MYLK: variants seen among roughly 807,000 people sequenced by gnomAD.
MYLK encodes myosin light chain kinase.
MYLK carries 106 observed loss-of-function variants against 203.4 expected under a neutral mutation model. That is an observed-to-expected ratio of 0.52 (90% confidence interval 0.45 to 0.61). MYLK has a LOEUF of 0.61. MYLK is among the 20% of genes least tolerant of loss of function. The pLI is 0.00. For missense variants in MYLK, 2,072 were observed against 2,442.3 expected, an observed-to-expected ratio of 0.85 and a Z score of 3.20; for synonymous variants, 867 against 959.5, an observed-to-expected ratio of 0.90 and a Z score of 1.78.
chr3:123,735,097 G>A (rs2062627935), intron 9 of MYLK: 3 of 420,840 alleles, frequency 7.1e-6, no homozygotes, highest in South Asian at 6.5e-5. Context: ...AATGAGGAAG[G>A]CGGCCTTCTC....
chr3:123,682,317 T>C lies in MYLK; in HGVS notation c.3566-7A>G. ...TTCTCACTGGCTGGAGCATCTGGAATGAAACAGGTAACAATAAATGTTAGC... is the reference window on the plus strand; with the variant it reads ...TTCTCACTGGCTGGAGCATCTGGAACGAAACAGGTAACAATAAATGTTAGC... On this transcript the variant is annotated splice_polypyrimidine_tract_variant and splice_region_variant and intron_variant, in intron 19 of 33. Transcript: ENST00000360304. 6.3e-7 allele frequency: 1 copy of C among 1,588,378 alleles called. No homozygotes were observed. The highest frequency in any genetic ancestry group is 1.3e-5 in the African/African-American group (1 of 74,770).
chr3:123,768,741 A>G (rs914555812), intron 4 of MYLK, among the ~76,000 whole-genome samples: 1 of 152,232 alleles, frequency 6.6e-6, no homozygotes, highest in African/African-American at 2.4e-5. Flanking sequence ...CTATTTGTCT[A>G]TGGGATGTGT....
At position 123,691,488 on chromosome 3, in the gene MYLK, C is replaced by T. The variant is rs571318619; in HGVS notation, c.3565+1247G>A. 1.8e-4 allele frequency: 27 copies of T among 152,314 alleles called. No homozygotes were observed. The East Asian group carries it at 4.2e-3, about 24-fold the overall frequency. The allele number at this position is 152,314 out of a possible 1,614,324, so 9.4% of individuals were successfully genotyped here. On this transcript the variant is annotated intron_variant, in intron 19 of 33. Transcript: ENST00000360304. ...TATTAGATGAGTTCAGCTTACCTTT[C>T]GGCTATTAACAATTAATTCGTGCTG... is the stretch of plus-strand genomic sequence containing the variant.
At chr3:123,771,394 T>C (rs1358443070) in intron 4 of MYLK, among the ~76,000 whole-genome samples, 2 of 152,254 alleles carry the variant, frequency 1.3e-5, no homozygotes, top group Non-Finnish European at 2.9e-5. Flanking sequence ...TTTTCTGTCC[T>C]TCTTTGAATG....
intron 4 of MYLK, among the ~76,000 whole-genome samples, chr3:123,770,944 C>T (rs2063861942): frequency 6.6e-6 from 1 of 152,222 alleles, no homozygotes; most frequent in African/African-American, 2.4e-5. Flanking sequence ...CATAAGAAGA[C>T]TGGAGAACCA....
In MYLK at chr3:123,876,613, C is replaced by G. The variant is rs2033168188; in HGVS notation, c.-181G>C. 1.3e-5 allele frequency: 2 copies of G among 152,118 alleles called. No homozygotes were observed. Among genetic ancestry groups the G allele is most frequent in the Admixed American group, 6.5e-5 (1 of 15,268 alleles). 9.4% of individuals were successfully genotyped at this position (152,118 alleles called of 1,614,324 possible). Reference sequence around the variant, plus strand: ...TTGGTTTCTGTTAATTTTGAAGAATCCTTCCTAATACACAAATCAAAGAAA... The same window carrying G: ...TTGGTTTCTGTTAATTTTGAAGAATGCTTCCTAATACACAAATCAAAGAAA... On this transcript the variant is annotated 5_prime_UTR_variant, in exon 2 of 34. Coordinates refer to ENST00000360304, the MANE Select transcript of MYLK (RefSeq NM_053025.4).
chr3:123,837,485 T>C (rs1397649310), intron 2 of MYLK, among the ~76,000 whole-genome samples: 1 of 147,606 alleles, frequency 6.8e-6, no homozygotes, highest in Non-Finnish European at 1.5e-5. Context: ...ATATTATATA[T>C]AATTATATAT....
At chr3:123,799,879 G>A (rs1372234402) in intron 3 of MYLK, 6 of 152,358 alleles carry the variant, frequency 3.9e-5, no homozygotes, top group East Asian at 1.9e-4. Flanking sequence ...GTCAGGATGC[G>A]AGGCAGCCAC....
intron 3 of MYLK, among the ~76,000 whole-genome samples, chr3:123,812,868 T>C (rs948477889): frequency 1.3e-5 from 2 of 152,170 alleles, no homozygotes; most frequent in Admixed American, 6.5e-5. Context: ...GCCAGGCATA[T>C]TGGGGCACTC....
intron 33 of MYLK, chr3:123,617,861 C>T (rs936362424): frequency 1.3e-5 from 2 of 152,232 alleles, no homozygotes; most frequent in African/African-American, 4.8e-5. Flanking sequence ...TATGCCATGA[C>T]CCCTTAAGGT....
intron 29 of MYLK, among the ~76,000 whole-genome samples, chr3:123,637,214 G>A (rs2058673167): frequency 6.6e-6 from 1 of 152,212 alleles, no homozygotes; most frequent in African/African-American, 2.4e-5. Flanking sequence ...AGGTTCAGGG[G>A]CTAATGACCG....
intron 4 of MYLK, among the ~76,000 whole-genome samples, chr3:123,784,003 T>C (rs904102180): frequency 6.6e-6 from 1 of 152,194 alleles, no homozygotes; most frequent in Non-Finnish European, 1.5e-5. Flanking sequence ...ATGTAGGGAA[T>C]GTGGGCTGGG....
chr3:123,799,228 T>C (rs1471914540), intron 3 of MYLK, among the ~76,000 whole-genome samples: 1 of 135,546 alleles, frequency 7.4e-6, no homozygotes, highest in African/African-American at 2.7e-5. Flanking sequence ...CGCCCACCTC[T>C]AAATGAGGCT....
intron 3 of MYLK, among the ~76,000 whole-genome samples, chr3:123,826,328 T>C (rs1168815494): frequency 2.6e-5 from 4 of 152,206 alleles, no homozygotes; most frequent in Non-Finnish European, 5.9e-5. Context: ...AGCAGCTGCA[T>C]GGGCTGCCCC....
intron 4 of MYLK, among the ~76,000 whole-genome samples, chr3:123,767,189 G>C (rs2063733777): frequency 6.6e-6 from 1 of 152,216 alleles, no homozygotes; most frequent in Admixed American, 6.5e-5. Context: ...CTGAGCCACT[G>C]TTAGACAAAA....
chr3:123,666,822 A>T (rs989757650), intron 21 of MYLK: 2 of 567,112 alleles, frequency 3.5e-6, no homozygotes, highest in Non-Finnish European at 6.3e-6. Context: ...ACACAAGGGT[A>T]GGGCAGAGGA....
At chr3:123,673,170 T>TA (rs2059970442) in intron 20 of MYLK, among the ~76,000 whole-genome samples, 1 of 151,008 alleles carries the variant, frequency 6.6e-6, no homozygotes, top group East Asian at 1.9e-4. Flanking sequence ...TCTTTTTTTT[T>TA]TTTTTTTTTT....
chr3:123,614,028 GTTTT>G lies in MYLK; in HGVS notation c.*73_*76del. On this transcript the variant is annotated 3_prime_UTR_variant, in exon 34 of 34. Transcript: ENST00000360304. ...ACACTAGGTGCTTTTACTATCTTGA[GTTTT>G]TTTTTTTTTTTTGAGTTTTAGAGAA... is the stretch of plus-strand genomic sequence containing the variant. 9 of 1,291,472 alleles carry G rather than the reference GTTTT, an allele frequency of 7.0e-6. No homozygotes were observed. The highest frequency in any genetic ancestry group is 9.7e-6 in the Non-Finnish European group (9 of 932,524). The allele number at this position is 1,291,472 out of a possible 1,614,324, so 80.0% of individuals were successfully genotyped here.
intron 3 of MYLK, among the ~76,000 whole-genome samples, chr3:123,795,157 T>C (rs921597274): frequency 2.6e-5 from 4 of 152,234 alleles, no homozygotes; most frequent in African/African-American, 7.2e-5. Flanking sequence ...AAAACACATA[T>C]CTTACATGGT....
Sources: allele counts gnomAD v4.1 joint callset (sites outside exome capture counted in the v4.1 genomes callset), GRCh38; gene constraint gnomAD v4.1.1; transcripts MANE v1.5; gene names NCBI Gene and HGNC (gene_info 2026-07-23, HGNC 2026-07-21).